SLC20A2: variants seen among roughly 807,000 people sequenced by gnomAD.
The protein encoded by SLC20A2 is solute carrier family 20 member 2.
SLC20A2 carries 30 observed loss-of-function variants against 61.0 expected under a neutral mutation model. The ratio of observed to expected loss-of-function variants is 0.49; its 90% CI spans 0.37 to 0.67. The LOEUF (loss-of-function observed/expected upper bound fraction) is 0.67. Among genes scored for constraint, SLC20A2 ranks in the 30% least tolerant of loss-of-function variants. The probability of loss-of-function intolerance (pLI) is 0.00; values close to 1 mark genes in which losing one functional copy is unlikely to be tolerated. For synonymous variants in SLC20A2, 351 were observed against 353.3 expected (o/e 0.99, Z 0.07); for missense variants, 626 against 866.4 (o/e 0.72, Z 3.48).
chr8:42,451,012 A>G (rs1805593274), intron 5 of SLC20A2, among the ~76,000 whole-genome samples: 1 of 152,170 alleles, frequency 6.6e-6, no homozygotes, highest in South Asian at 2.1e-4. Context: ...GCACTTCACA[A>G]TCACAGCATG....
chr8:42,430,543 A>C (rs868182057), intron 8 of SLC20A2, among the ~76,000 whole-genome samples: 1 of 152,040 alleles, frequency 6.6e-6, no homozygotes, highest in South Asian at 2.1e-4. Context: ...TTGTATTTTT[A>C]GTAGAGATGG....
chr8:42,429,037 T>C (rs1803643590), intron 9 of SLC20A2, among the ~76,000 whole-genome samples, 195 bp from the exon 10 acceptor site: 2 of 152,326 alleles, frequency 1.3e-5, no homozygotes, highest in African/African-American at 4.8e-5. Flanking sequence ...TTCCTGTGCA[T>C]GGGCCCTCAG....
chr8:42,441,939 CCTT>C lies in SLC20A2; in HGVS notation c.731-2289_731-2287del, dbSNP rs536314905. On this transcript the variant is annotated intron_variant, in intron 6 of 10. Coordinates refer to ENST00000520262, the MANE Select transcript of SLC20A2 (RefSeq NM_001257180.2). ...GATGAAGTACAATTTATCAAGTTGT[CCTT>C]TTTTTTTTTGAGATGGAGTTTTGCT... is the stretch of plus-strand genomic sequence containing the variant. Among the ~76,000 whole-genome samples, 36 of 150,940 alleles carry C rather than the reference CCTT, an allele frequency of 2.4e-4. 1 individual carries two copies. The highest frequency in any genetic ancestry group is 4.9e-4 in the Non-Finnish European group (33 of 67,964).
chr8:42,428,752 G>T lies in SLC20A2; in HGVS notation c.1794+6C>A. The stretch of plus-strand genomic sequence containing the variant: ...GGGGAAGGGCTCCCGGCTAGCAGGG[G>T]CCTACCTTACAGTGCGTGGTGCTGA... On this transcript the variant is annotated splice_donor_region_variant and intron_variant, in intron 10 of 10. Transcript: ENST00000520262. 1 of 1,609,566 alleles carries T rather than the reference G, an allele frequency of 6.2e-7. No individual in the cohort carries two copies.
chr8:42,534,961 C>T (rs1159378983), intron 1 of SLC20A2: 1 of 152,094 alleles, frequency 6.6e-6, no homozygotes, highest in Non-Finnish European at 1.5e-5. Flanking sequence ...ATATTATACA[C>T]AAAAGCGGAT....
chr8:42,466,015 A>AT, intron 2 of SLC20A2, 98 bp from the exon 3 acceptor site: 1 of 1,091,178 alleles, frequency 9.2e-7, no homozygotes, highest in Non-Finnish European at 1.3e-6. Context: ...CATCTCCCAG[A>AT]GTTTAATTTT....
chr8:42,445,411 A>G (rs951733419), intron 5 of SLC20A2, among the ~76,000 whole-genome samples: 1 of 152,132 alleles, frequency 6.6e-6, no homozygotes, highest in African/African-American at 2.4e-5. Flanking sequence ...AAATGGCTGC[A>G]CAACAAATGT....
chr8:42,446,790 C>T (rs1300540383), intron 5 of SLC20A2, among the ~76,000 whole-genome samples: 1 of 151,802 alleles, frequency 6.6e-6, no homozygotes, highest in East Asian at 1.9e-4. Flanking sequence ...ATTACACATA[C>T]CTTTATAGTG....
chr8:42,500,842 TA>T (rs1475882007), intron 1 of SLC20A2, among the ~76,000 whole-genome samples, 188 bp downstream of exon 1: 1 of 152,220 alleles, frequency 6.6e-6, no homozygotes, highest in Non-Finnish European at 1.5e-5. Context: ...GCAAATTGAA[TA>T]AGGCAGATTT....
At chr8:42,525,887 A>G (rs1811901888) in intron 1 of SLC20A2, among the ~76,000 whole-genome samples, 1 of 152,218 alleles carries the variant, frequency 6.6e-6, no homozygotes, top group East Asian at 1.9e-4. Flanking sequence ...TCTGAGCAAT[A>G]AATAAAGTAG....
At chr8:42,440,313 A>C (rs1172947100) in intron 6 of SLC20A2, among the ~76,000 whole-genome samples, 2 of 152,164 alleles carry the variant, frequency 1.3e-5, no homozygotes, top group Non-Finnish European at 2.9e-5. Flanking sequence ...GTTTTCTTAA[A>C]CTAACCTCAG....
intron 5 of SLC20A2, among the ~76,000 whole-genome samples, chr8:42,452,020 T>G (rs1312321939): frequency 9.8e-4 from 51 of 52,000 alleles, no homozygotes; most frequent in Admixed American, 2.3e-3. Context: ...GAGGAAGAGA[T>G]GAAGAGGAAG....
chr8:42,472,546 T>C lies in SLC20A2; in HGVS notation c.-156A>G. ...GTTAGAGGCTGGACAAACTGCTAGC[T>C]GCTGGTTTGCAAACTACTGTCAGGA... On this transcript the variant is annotated 5_prime_UTR_variant, in exon 2 of 11. Transcript: ENST00000520262. The surrounding 1 kb of genome is among the most constrained non-coding windows in gnomAD (Gnocchi z 4.1). 3.0e-6 allele frequency: 2 copies of C among 661,886 alleles called. No homozygotes were observed. Among genetic ancestry groups the C allele is most frequent in the Non-Finnish European group, 2.5e-6 (1 of 394,202 alleles). 41.0% of individuals were successfully genotyped at this position (661,886 alleles called of 1,614,324 possible). A position where few individuals can be genotyped will look rare whatever the true frequency, so the allele number is the denominator to read the frequency against.
chr8:42,463,230 C>T (rs1299651820), intron 3 of SLC20A2, 140 bp from the exon 4 acceptor site: 1 of 556,702 alleles, frequency 1.8e-6, no homozygotes, highest in Admixed American at 3.6e-5. Context: ...AATTCAGAAC[C>T]TAACAAGCCC....
chr8:42,446,243 T>A (rs955818276), intron 5 of SLC20A2, among the ~76,000 whole-genome samples: 4 of 152,240 alleles, frequency 2.6e-5, no homozygotes, highest in African/African-American at 9.6e-5. Context: ...TAAGCAATAA[T>A]AACATTAGCC....
intron 1 of SLC20A2, among the ~76,000 whole-genome samples, chr8:42,507,395 C>T (rs570061803): frequency 4.7e-5 from 7 of 149,972 alleles, no homozygotes; most frequent in South Asian, 2.1e-4. Context: ...AAAAAAAAGA[C>T]GCAAACTCTT....
chr8:42,485,216 G>A (rs989047162), intron 1 of SLC20A2, among the ~76,000 whole-genome samples: 4 of 152,106 alleles, frequency 2.6e-5, no homozygotes, highest in African/African-American at 4.8e-5. Flanking sequence ...TGTTCAGGGA[G>A]GTCAGCTGAT....
Position 42,487,232 on chromosome 8 carries a change from C to T in SLC20A2, c.-265+13799G>A, listed in dbSNP as rs552991117. On this transcript the variant is annotated intron_variant, in intron 1 of 10. Transcript: ENST00000520262. Reference sequence around the variant, plus strand: ...TCATTCTGTCGCCCAGGCTGGAGTGCAGTGGCGCGATCTTGGCTCACTGCA... The same window carrying T: ...TCATTCTGTCGCCCAGGCTGGAGTGTAGTGGCGCGATCTTGGCTCACTGCA... Among the ~76,000 whole-genome samples the T allele has an allele frequency of 1.1e-4, 15 of 141,776 alleles. No individual in the cohort carries two copies. In the East Asian group the frequency reaches 2.7e-3, roughly 26 times the overall value. 93.0% of individuals were successfully genotyped at this position (141,776 alleles called of 152,430 possible). A position where few individuals can be genotyped will look rare whatever the true frequency, so the allele number is the denominator to read the frequency against.
intron 1 of SLC20A2, among the ~76,000 whole-genome samples, chr8:42,512,036 G>A (rs1176298563): frequency 1.3e-5 from 2 of 152,098 alleles, no homozygotes; most frequent in Admixed American, 6.5e-5. Flanking sequence ...AAAGAGGAGT[G>A]GACAAACAGT....
Sources: gnomAD v4.1 joint callset for allele counts (sites outside exome capture counted in the v4.1 genomes callset) on GRCh38, gnomAD v4.1.1 for gene constraint, Gnocchi (gnomAD v3.1) non-coding constraint, MANE v1.5 for transcripts, NCBI Gene and HGNC (gene_info 2026-07-23, HGNC 2026-07-21) for gene names.